FAAH2: variants seen among roughly 807,000 people sequenced by gnomAD.
The protein encoded by FAAH2 is fatty-acid amide hydrolase 2.
FAAH2 carries 60 observed loss-of-function variants against 36.9 expected under a neutral mutation model. The observed-to-expected ratio is 1.63, with a 90% CI of 1.32 to 2.02. The LOEUF is 2.02. FAAH2 is among the 30% of genes most tolerant of loss of function. The pLI is 0.00. For missense variants in FAAH2, 689 were observed against 397.5 expected, an observed-to-expected ratio of 1.73 and a Z score of -6.23; for synonymous variants, 214 against 143.8, an observed-to-expected ratio of 1.49 and a Z score of -3.49.
intron 7 of FAAH2, among the ~76,000 whole-genome samples, chrX:57,399,221 G>T (rs1044079269): frequency 2.2e-4 from 24 of 111,624 alleles, no homozygotes; most frequent in African/African-American, 7.8e-4. Flanking sequence ...TGTATGGCCT[G>T]CAGTGCAGGG....
the FAAH2 span, among the ~76,000 whole-genome samples, chrX:57,138,443 T>C: frequency 9.1e-6 from 1 of 110,365 alleles, no homozygotes; most frequent in Non-Finnish European, 1.9e-5. Context: ...TATATCACAT[T>C]TTTTATCCAT....
the FAAH2 span, among the ~76,000 whole-genome samples, chrX:57,262,360 A>G: frequency 6.3e-5 from 7 of 111,962 alleles, no homozygotes; most frequent in Non-Finnish European, 1.3e-4. Flanking sequence ...AGATAATTAT[A>G]TCAATAATTG....
chrX:57,317,240 A>G (rs2052868148), intron 3 of FAAH2, among the ~76,000 whole-genome samples: 1 of 112,580 alleles, frequency 8.9e-6, no homozygotes, highest in African/African-American at 3.2e-5. Flanking sequence ...TAAAGAGCCA[A>G]GACCCATTAG....
intron 5 of FAAH2, 117 bp from the exon 6 acceptor site, chrX:57,378,534 T>C: frequency 1.1e-6 from 1 of 936,486 alleles, no homozygotes; most frequent in Non-Finnish European, 1.5e-6. Context: ...TAAGAAGACC[T>C]GAAAAGTTTT....
the FAAH2 span, among the ~76,000 whole-genome samples, chrX:57,254,587 G>T: frequency 1.8e-5 from 2 of 111,989 alleles, no homozygotes; most frequent in African/African-American, 3.2e-5. Flanking sequence ...TCAGTCCAGA[G>T]TGCAATCAAA....
At chrX:57,140,152 C>T in the FAAH2 span, among the ~76,000 whole-genome samples, 1,800 of 110,911 alleles carry the variant, frequency 0.016, 14 homozygotes, top group Middle Eastern at 0.037. Flanking sequence ...TCTTTTTTTA[C>T]ACAGTTGGCA....
At chrX:57,431,647 G>T (rs761164493) in intron 7 of FAAH2, among the ~76,000 whole-genome samples, 1 of 111,178 alleles carries the variant, frequency 9.0e-6, no homozygotes, top group East Asian at 2.8e-4. Context: ...AGGGCAAGCA[G>T]AAATGACATG....
the FAAH2 span, among the ~76,000 whole-genome samples, chrX:57,169,879 C>A: frequency 9.2e-6 from 1 of 108,552 alleles, no homozygotes; most frequent in Non-Finnish European, 1.9e-5. Context: ...AACACACACA[C>A]ACACACACAC....
rs183168817 is a variant in FAAH2, at chrX:57,412,359, C to T, written c.997-19559C>T. Among the ~76,000 whole-genome samples the T allele has an allele frequency of 2.7e-5, 3 of 111,460 alleles. No individual in the cohort carries two copies. The East Asian group carries it at 8.5e-4, about 32-fold the overall frequency. On this transcript the variant is annotated intron_variant, in intron 7 of 10. Coordinates refer to ENST00000374900, the MANE Select transcript of FAAH2 (RefSeq NM_174912.4). The stretch of plus-strand genomic sequence containing the variant: ...TCTAAATTAGGTATTTCTTCTAATG[C>T]TATCCCTCCCCTAGCACCCCACCCT...
chrX:57,382,424 G>A (rs1033967823), intron 7 of FAAH2, among the ~76,000 whole-genome samples: 7 of 111,043 alleles, frequency 6.3e-5, no homozygotes, highest in Admixed American at 1.9e-4. Context: ...TTGAGAGACC[G>A]CTGGCAAGAC....
chrX:57,229,910 G>T, the FAAH2 span, among the ~76,000 whole-genome samples: 16 of 111,526 alleles, frequency 1.4e-4, no homozygotes, highest in Non-Finnish European at 3.0e-4. Flanking sequence ...TATCCCTGTA[G>T]ATAAGATTTC....
the FAAH2 span, among the ~76,000 whole-genome samples, chrX:57,125,788 G>A: frequency 1.8e-5 from 2 of 111,810 alleles, no homozygotes; most frequent in Non-Finnish European, 3.8e-5. Flanking sequence ...ATTATAAAAT[G>A]CATGTGTTCA....
chrX:57,155,266 G>T, the FAAH2 span, among the ~76,000 whole-genome samples: 1 of 111,658 alleles, frequency 9.0e-6, no homozygotes, highest in African/African-American at 3.3e-5. Flanking sequence ...ACCAAGGTGG[G>T]TAGGGAAGGA....
At chrX:57,170,998 C>T in the FAAH2 span, among the ~76,000 whole-genome samples, 5 of 111,504 alleles carry the variant, frequency 4.5e-5, no homozygotes, top group Admixed American at 2.9e-4. Flanking sequence ...GCATGTGCCA[C>T]TGCAACCGGC....
At chrX:57,448,793 TC>T in intron 10 of FAAH2, 75 bp downstream of exon 10, 1 of 1,033,657 alleles carries the variant, frequency 9.7e-7, no homozygotes, top group Non-Finnish European at 1.3e-6. Context: ...AGCATAATTT[TC>T]TTTTGCAGTT....
chrX:57,485,442 T>C (rs2057457480), intron 10 of FAAH2, among the ~76,000 whole-genome samples: 1 of 111,370 alleles, frequency 9.0e-6, no homozygotes, highest in Admixed American at 9.6e-5. Flanking sequence ...TGGGGAGTTG[T>C]GTGGCATGCA....
intron 3 of FAAH2, among the ~76,000 whole-genome samples, chrX:57,325,160 G>A (rs2053173548): frequency 8.9e-6 from 1 of 112,035 alleles, no homozygotes; most frequent in Admixed American, 9.5e-5. Context: ...TGTGTATGTT[G>A]AAGCAGCCTT....
the FAAH2 span, among the ~76,000 whole-genome samples, chrX:57,236,249 G>C: frequency 8.9e-6 from 1 of 112,210 alleles, no homozygotes; most frequent in Non-Finnish European, 1.9e-5. Flanking sequence ...ATCTGCTAAA[G>C]GACACTTAGG....
At chrX:57,240,895 A>G in the FAAH2 span, among the ~76,000 whole-genome samples, 47 of 112,421 alleles carry the variant, frequency 4.2e-4, no homozygotes, top group African/African-American at 1.4e-3. Context: ...GGATGCTCAG[A>G]TCACACTGGC....
Sources: gnomAD v4.1 joint callset for allele counts (sites outside exome capture counted in the v4.1 genomes callset) on GRCh38, gnomAD v4.1.1 for gene constraint, MANE v1.5 for transcripts, NCBI Gene and HGNC (gene_info 2026-07-23, HGNC 2026-07-21) for gene names.